Variants in RUNDC3B observed in about 807,000 individuals in gnomAD.
RUNDC3B encodes the protein RUN domain-containing protein 3B.
Under a neutral mutation model 58.4 loss-of-function variants are expected in RUNDC3B, and 33 were observed. That is an observed-to-expected ratio of 0.56 (90% CI 0.43 to 0.75). The LOEUF is 0.75. Ranked by LOEUF, RUNDC3B falls within the 30% of genes least tolerant of loss-of-function variation. RUNDC3B has a pLI of 0.00. For synonymous variants in RUNDC3B, 193 were observed against 195.2 expected (o/e 0.99, Z 0.10); for missense variants, 501 against 535.7 (o/e 0.94, Z 0.64).
intron 7 of RUNDC3B, among the ~76,000 whole-genome samples, chr7:87,776,640 T>A (rs908862136): frequency 6.6e-6 from 1 of 152,060 alleles, no homozygotes; most frequent in Admixed American, 6.6e-5. Flanking sequence ...ATTCTTTAAT[T>A]ACTAATGTTT....
intron 10 of RUNDC3B, among the ~76,000 whole-genome samples, chr7:87,820,840 C>T (rs1165162910): frequency 2.6e-5 from 4 of 151,716 alleles, no homozygotes; most frequent in Admixed American, 6.6e-5. Flanking sequence ...ATTCAACAGC[C>T]CTTCATGCTA....
chr7:87,733,711 A>C (rs78586048), intron 4 of RUNDC3B, among the ~76,000 whole-genome samples: 2 of 152,100 alleles, frequency 1.3e-5, no homozygotes, highest in Non-Finnish European at 2.9e-5. Flanking sequence ...GGAGCATGCA[A>C]CCTAGATCTT....
intron 3 of RUNDC3B, among the ~76,000 whole-genome samples, chr7:87,701,263 C>T (rs548727808): frequency 2.0e-5 from 3 of 151,868 alleles, no homozygotes; most frequent in Non-Finnish European, 4.4e-5. Flanking sequence ...GATATTTTCT[C>T]AAAAAAAGAA....
chr7:87,726,491 G>A (rs1266934579), intron 4 of RUNDC3B, among the ~76,000 whole-genome samples: 1 of 152,168 alleles, frequency 6.6e-6, no homozygotes, highest in Non-Finnish European at 1.5e-5. Context: ...TTTGGTTACT[G>A]TAGCATTGTA....
intron 8 of RUNDC3B, among the ~76,000 whole-genome samples, chr7:87,782,966 C>G (rs1334862694): frequency 6.6e-6 from 1 of 152,080 alleles, no homozygotes; most frequent in East Asian, 1.9e-4. Context: ...CTTTAGATGT[C>G]TATTAGGTCC....
At position 87,628,882 on chromosome 7, in the gene RUNDC3B, G is replaced by A. The variant is rs761377106; in HGVS notation, c.59G>A (p.Gly20Asp). The A allele has an allele frequency of 4.6e-6, 6 of 1,296,302 alleles. No individual in the cohort carries two copies. Among genetic ancestry groups the A allele is most frequent in the Non-Finnish European group, 5.9e-6 (6 of 1,015,074 alleles). 80.3% of individuals were successfully genotyped at this position (1,296,302 alleles called of 1,614,324 possible). A position where few individuals can be genotyped will look rare whatever the true frequency, so the allele number is the denominator to read the frequency against. ...SGIRGGGGGG[G>D]KKSLSARNAA... Reference sequence around the variant, plus strand: ...ATCCGCGGCGGTGGCGGCGGAGGCGGCAAGAAAAGCCTGAGCGCCCGCAAT... The same window carrying A: ...ATCCGCGGCGGTGGCGGCGGAGGCGACAAGAAAAGCCTGAGCGCCCGCAAT... Residue 20 changes from glycine (G) to aspartate (D), a missense_variant, in exon 1 of 11, where the codon GGC becomes GAC. Physicochemically the swap from Gly to Asp is moderately conservative, Grantham distance 94. Coordinates refer to ENST00000394654, the MANE Select transcript of RUNDC3B (RefSeq NM_001134405.2).
chr7:87,629,286 G>A, intron 1 of RUNDC3B: 1 of 226,066 alleles, frequency 4.4e-6, no homozygotes. Context: ...CCATTCAGCT[G>A]TCAGCGAGCT....
chr7:87,709,340 C>G (rs1429046530), intron 3 of RUNDC3B: 35 of 985,170 alleles, frequency 3.6e-5, no homozygotes, highest in Non-Finnish European at 3.0e-5. Flanking sequence ...GTTTCTGTGT[C>G]TTTTAGATGA....
chr7:87,784,193 T>C (rs2130893911), intron 8 of RUNDC3B, among the ~76,000 whole-genome samples: 1 of 152,336 alleles, frequency 6.6e-6, no homozygotes, highest in African/African-American at 2.4e-5. Flanking sequence ...GCCATCTAGA[T>C]TTTGAATTCT....
At chr7:87,641,493 A>G (rs1822447357) in intron 1 of RUNDC3B, among the ~76,000 whole-genome samples, 1 of 152,160 alleles carries the variant, frequency 6.6e-6, no homozygotes, top group African/African-American at 2.4e-5. Context: ...TGGATTTGGT[A>G]TATTTTCTAG....
intron 2 of RUNDC3B, among the ~76,000 whole-genome samples, chr7:87,698,200 C>T (rs1000190757): frequency 1.3e-5 from 2 of 152,074 alleles, no homozygotes; most frequent in Non-Finnish European, 2.9e-5. Context: ...CCCGGGTTCA[C>T]GCCATTCTCC....
intron 4 of RUNDC3B, among the ~76,000 whole-genome samples, chr7:87,717,202 C>T (rs1830597106): frequency 6.6e-6 from 1 of 151,990 alleles, no homozygotes; most frequent in African/African-American, 2.4e-5. Context: ...TGGAGGTATT[C>T]TATATCAGGA....
intron 10 of RUNDC3B, among the ~76,000 whole-genome samples, chr7:87,825,626 C>A (rs1837762473): frequency 6.6e-6 from 1 of 152,190 alleles, no homozygotes; most frequent in Non-Finnish European, 1.5e-5. Flanking sequence ...TGTAGATCCA[C>A]TGACATCTTG....
chr7:87,628,949 C>A lies in RUNDC3B; in HGVS notation c.122+4C>A, dbSNP rs376905411. ...GGAACCTGATCACCGTGTGCAGGTA[C>A]GGCAGCGCAGGGCGAGGGGAACCAG... On this transcript the variant is annotated splice_donor_region_variant and intron_variant, in intron 1 of 10. Transcript: ENST00000394654. The A allele has an allele frequency of 3.9e-5, 51 of 1,309,136 alleles. No homozygotes were observed. In the Admixed American group the frequency reaches 4.9e-4, roughly 13 times the overall value. 81.1% of individuals were successfully genotyped at this position (1,309,136 alleles called of 1,614,324 possible).
intron 4 of RUNDC3B, among the ~76,000 whole-genome samples, chr7:87,737,221 A>C (rs1320533808): frequency 6.6e-6 from 1 of 151,984 alleles, no homozygotes; most frequent in Non-Finnish European, 1.5e-5. Flanking sequence ...TAGAACAAAA[A>C]ATATTTTTAA....
chr7:87,651,071 G>A (rs1227487249), intron 2 of RUNDC3B, 134 bp downstream of exon 2: 7 of 591,046 alleles, frequency 1.2e-5, no homozygotes, highest in Admixed American at 6.3e-5. Flanking sequence ...CTTTTGGCCT[G>A]TGTGACTACG....
chr7:87,825,352 CA>C (rs2130973845), intron 10 of RUNDC3B, among the ~76,000 whole-genome samples: 1 of 152,358 alleles, frequency 6.6e-6, no homozygotes, highest in East Asian at 1.9e-4. Flanking sequence ...CAAGCCTTGG[CA>C]GCTTCCACGT....
intron 3 of RUNDC3B, among the ~76,000 whole-genome samples, chr7:87,704,704 C>T (rs2130716445): frequency 6.6e-6 from 1 of 152,318 alleles, no homozygotes; most frequent in Admixed American, 6.5e-5. Flanking sequence ...CTTTGTTTTG[C>T]TCAGGCCTCA....
intron 2 of RUNDC3B, among the ~76,000 whole-genome samples, chr7:87,675,303 T>C (rs1222575114): frequency 6.6e-6 from 1 of 152,178 alleles, no homozygotes; most frequent in Non-Finnish European, 1.5e-5. Flanking sequence ...CTCTTATCAA[T>C]ATAATCTTTT....
Sources: gnomAD v4.1 joint callset for allele counts (sites outside exome capture counted in the v4.1 genomes callset) on GRCh38, gnomAD v4.1.1 for gene constraint, MANE v1.5 for transcripts, NCBI Gene and HGNC (gene_info 2026-07-23, HGNC 2026-07-21) for gene names.